Variants in CNTN6 observed in about 807,000 individuals in gnomAD.
CNTN6 encodes the protein contactin-6.
CNTN6 carries 137 observed loss-of-function variants against 122.8 expected under a neutral mutation model. That is an observed-to-expected ratio of 1.12 (90% CI 0.97 to 1.29). The LOEUF (loss-of-function observed/expected upper bound fraction) is 1.29. Among genes scored for constraint, CNTN6 ranks in the 50% most tolerant of loss-of-function variants. The pLI, the probability that CNTN6 is intolerant of heterozygous loss-of-function variation, is 0.00. For missense variants in CNTN6, 1,634 were observed against 1,223.4 expected (o/e 1.34, Z -5.01); for synonymous variants, 570 against 426.0 (o/e 1.34, Z -4.16).
intron 1 of CNTN6, among the ~76,000 whole-genome samples, chr3:1,094,221 G>A (rs1227636896): frequency 6.6e-6 from 1 of 152,092 alleles, no homozygotes; most frequent in Admixed American, 6.6e-5. Flanking sequence ...ACCAATTTAT[G>A]TGCATTGTAT....
chr3:1,256,079 C>T (rs1575443982), intron 4 of CNTN6, among the ~76,000 whole-genome samples: 1 of 152,020 alleles, frequency 6.6e-6, no homozygotes, highest in Non-Finnish European at 1.5e-5. Flanking sequence ...CTATGTTGCC[C>T]ACGCTAGTTT....
intron 4 of CNTN6, among the ~76,000 whole-genome samples, chr3:1,257,009 C>T (rs1044203755): frequency 1.3e-5 from 2 of 152,100 alleles, no homozygotes; most frequent in Non-Finnish European, 1.5e-5. Flanking sequence ...CAGCACCACC[C>T]GAATATGCTA....
chr3:1,161,769 TAC>T (rs558137459), intron 2 of CNTN6, among the ~76,000 whole-genome samples: 6,686 of 142,698 alleles, frequency 0.047, 188 homozygotes, highest in African/African-American at 0.085. Flanking sequence ...TATATATGTA[TAC>T]ACACACACAC....
chr3:1,205,215 C>G (rs1196966862), intron 2 of CNTN6, among the ~76,000 whole-genome samples: 1 of 152,150 alleles, frequency 6.6e-6, no homozygotes, highest in East Asian at 1.9e-4. Flanking sequence ...ACTCCAGAGC[C>G]TCTAGGAAAT....
chr3:1,126,374 T>C (rs979068424), intron 1 of CNTN6, among the ~76,000 whole-genome samples: 34 of 152,020 alleles, frequency 2.2e-4, no homozygotes, highest in African/African-American at 7.7e-4. Flanking sequence ...TGTCTTGCCA[T>C]GTAGAATGGT....
At chr3:1,141,419 C>G (rs1192503942) in intron 1 of CNTN6, among the ~76,000 whole-genome samples, 1 of 152,138 alleles carries the variant, frequency 6.6e-6, no homozygotes, top group Non-Finnish European at 1.5e-5. Flanking sequence ...CAATGATGTC[C>G]TGATAAACTA....
At chr3:1,166,137 C>T (rs2093242942) in intron 2 of CNTN6, among the ~76,000 whole-genome samples, 1 of 152,230 alleles carries the variant, frequency 6.6e-6, no homozygotes, top group Non-Finnish European at 1.5e-5. Flanking sequence ...TTGGCATCAA[C>T]TGTTCTAAGT....
chr3:1,353,148 T>C (rs1249453280), intron 12 of CNTN6, among the ~76,000 whole-genome samples: 1 of 151,698 alleles, frequency 6.6e-6, no homozygotes, highest in African/African-American at 2.4e-5. Flanking sequence ...GAATCTCAGC[T>C]CATAAAACTA....
chr3:1,375,964 G>A (rs1207073914), intron 16 of CNTN6, among the ~76,000 whole-genome samples: 1 of 151,964 alleles, frequency 6.6e-6, no homozygotes, highest in East Asian at 1.9e-4. Flanking sequence ...AATTTGAAAT[G>A]AGGAATTAAA....
intron 5 of CNTN6, among the ~76,000 whole-genome samples, chr3:1,294,966 T>G (rs1397825533): frequency 6.6e-6 from 1 of 152,126 alleles, no homozygotes; most frequent in African/African-American, 2.4e-5. Context: ...AATTATGTAA[T>G]AATCAGGCCA....
intron 2 of CNTN6, among the ~76,000 whole-genome samples, chr3:1,160,111 G>A (rs768366148): frequency 1.2e-4 from 18 of 151,928 alleles, no homozygotes; most frequent in Non-Finnish European, 2.4e-4. Context: ...CAGCCACCAC[G>A]CCCGGCCAAT....
intron 1 of CNTN6, 27 bp from the exon 2 acceptor site, chr3:1,147,900 A>G (rs1333534441): frequency 2.9e-6 from 2 of 696,784 alleles, no homozygotes; most frequent in Non-Finnish European, 5.1e-6. Context: ...TACGTTTTTC[A>G]TTTCATGACA....
chr3:1,257,127 A>T (rs529866499), intron 4 of CNTN6, among the ~76,000 whole-genome samples: 1 of 152,262 alleles, frequency 6.6e-6, no homozygotes, highest in East Asian at 1.9e-4. Context: ...TTTATTTGTA[A>T]AATCAAACTT....
In CNTN6 at chr3:1,381,589, C is replaced by T. The variant is rs536105839; in HGVS notation, c.2167-1353C>T. Among the ~76,000 whole-genome samples the T allele has an allele frequency of 2.0e-5, 3 of 152,286 alleles. No homozygotes were observed. The East Asian group carries it at 5.8e-4, about 29-fold the overall frequency. On this transcript the variant is annotated intron_variant, in intron 17 of 22. Transcript: ENST00000446702. ...AGGAGCTCTAGGCAACCATCAACAA[C>T]CCCTCTGCTGATCCAGCCCCGGCTT...
intron 5 of CNTN6, among the ~76,000 whole-genome samples, chr3:1,288,825 A>G (rs1453580382): frequency 1.3e-5 from 2 of 152,266 alleles, no homozygotes; most frequent in Admixed American, 6.5e-5. Flanking sequence ...ATGTCAAAAC[A>G]TAATCACACT....
At chr3:1,386,615 T>C (rs1240597325) in intron 20 of CNTN6, among the ~76,000 whole-genome samples, 1 of 152,134 alleles carries the variant, frequency 6.6e-6, no homozygotes, top group Non-Finnish European at 1.5e-5. Context: ...GATGATTTTT[T>C]TGTGGTTGAA....
At chr3:1,095,480 AACAAACAAACAG>A (rs1327168658) in intron 1 of CNTN6, among the ~76,000 whole-genome samples, 1 of 152,138 alleles carries the variant, frequency 6.6e-6, no homozygotes, top group African/African-American at 2.4e-5. Flanking sequence ...CAAACAAACA[AACAAACAAACAG>A]AAAACAGAAA....
intron 1 of CNTN6, among the ~76,000 whole-genome samples, chr3:1,146,040 A>G (rs1421823116): frequency 1.3e-5 from 2 of 152,068 alleles, no homozygotes; most frequent in Non-Finnish European, 2.9e-5. Context: ...CCACTACTCT[A>G]TTTAAAACCT....
At chr3:1,239,583 A>G (rs555071692) in intron 4 of CNTN6, among the ~76,000 whole-genome samples, 1 of 152,332 alleles carries the variant, frequency 6.6e-6, no homozygotes, top group South Asian at 2.1e-4. Flanking sequence ...AATATTGTGA[A>G]AATGACCACA....
Sources: gnomAD v4.1 joint callset for allele counts (sites outside exome capture counted in the v4.1 genomes callset) on GRCh38, gnomAD v4.1.1 for gene constraint, MANE v1.5 for transcripts, NCBI Gene and HGNC (gene_info 2026-07-23, HGNC 2026-07-21) for gene names.